Variants in MSI2 observed in about 807,000 individuals in gnomAD.
MSI2 encodes the protein RNA-binding protein Musashi homolog 2.
In MSI2, 17 loss-of-function variants were observed where a neutral mutation model predicts 45.6. The observed-to-expected ratio is 0.37, with a 90% confidence interval of 0.26 to 0.56. The LOEUF is 0.56. MSI2 is among the 20% of genes least tolerant of loss of function. The pLI, the probability that MSI2 is intolerant of heterozygous loss-of-function variation, is 0.77. For missense variants in MSI2, 293 were observed against 444.2 expected, an observed-to-expected ratio of 0.66 and a Z score of 3.06; for synonymous variants, 156 against 158.2, an observed-to-expected ratio of 0.99 and a Z score of 0.11.
rs75404750 is a variant in MSI2, at chr17:57,663,841, G to A, written c.791-11131G>A. Among the ~76,000 whole-genome samples the A allele has an allele frequency of 1.6e-3, 239 of 152,294 alleles. 2 individuals are homozygous for A. The highest frequency in any genetic ancestry group is 3.0e-3 in the Non-Finnish European group (207 of 68,026). The stretch of plus-strand genomic sequence containing the variant: ...AAAGGGCACATTCCGTTCAGGCTTG[G>A]AAATGATCTGCTGGAGGTTTACACT... On this transcript the variant is annotated intron_variant, in intron 11 of 13. Transcript: ENST00000284073.
At chr17:57,368,257 G>A (rs1431511660) in intron 5 of MSI2, among the ~76,000 whole-genome samples, 1 of 152,146 alleles carries the variant, frequency 6.6e-6, no homozygotes, top group Admixed American at 6.5e-5. Flanking sequence ...GTTTAAAAAT[G>A]TCTCAATTTT....
intron 5 of MSI2, among the ~76,000 whole-genome samples, chr17:57,290,969 C>T (rs1910362952): frequency 6.6e-6 from 1 of 152,228 alleles, no homozygotes; most frequent in Non-Finnish European, 1.5e-5. Context: ...GGGTGTAAAC[C>T]TCTGCGAGAT....
intron 10 of MSI2, chr17:57,632,165 C>G: frequency 8.4e-7 from 1 of 1,185,036 alleles, no homozygotes; most frequent in Non-Finnish European, 1.0e-6. Context: ...AAGAAGACAT[C>G]AAATGTTTTT....
At chr17:57,391,596 T>C (rs2144085142) in intron 5 of MSI2, among the ~76,000 whole-genome samples, 1 of 152,188 alleles carries the variant, frequency 6.6e-6, no homozygotes, top group Non-Finnish European at 1.5e-5. Flanking sequence ...CCCCTCACCG[T>C]GAGTCATCTG....
At chr17:57,436,718 A>G (rs1347814855) in intron 6 of MSI2, among the ~76,000 whole-genome samples, 3 of 152,202 alleles carry the variant, frequency 2.0e-5, no homozygotes, top group Admixed American at 6.5e-5. Flanking sequence ...GGGCATTCCA[A>G]TGAAACCACT....
At chr17:57,388,448 C>T (rs947704360) in intron 5 of MSI2, among the ~76,000 whole-genome samples, 1 of 152,252 alleles carries the variant, frequency 6.6e-6, no homozygotes, top group Non-Finnish European at 1.5e-5. Flanking sequence ...CACTTGCTCT[C>T]TTGCTCCTGG....
chr17:57,258,433 T>C, intron 4 of MSI2, 79 bp downstream of exon 4: 1 of 1,138,438 alleles, frequency 8.8e-7, no homozygotes, highest in Non-Finnish European at 1.3e-6. Context: ...AAAGGGACAG[T>C]GCCTTCTTTT....
intron 5 of MSI2, among the ~76,000 whole-genome samples, chr17:57,398,908 C>A (rs1353987464): frequency 2.0e-5 from 3 of 147,498 alleles, no homozygotes; most frequent in Non-Finnish European, 3.0e-5. Context: ...ATCATTATAT[C>A]TTCATTTTAT....
chr17:57,655,055 T>G (rs1299617574), intron 11 of MSI2, among the ~76,000 whole-genome samples: 1 of 151,792 alleles, frequency 6.6e-6, no homozygotes, highest in Non-Finnish European at 1.5e-5. Context: ...GGCTATGGTG[T>G]CAGGGTAGGA....
At chr17:57,471,311 G>A (rs9911360) in intron 6 of MSI2, among the ~76,000 whole-genome samples, 2 of 119,652 alleles carry the variant, frequency 1.7e-5, no homozygotes, top group Non-Finnish European at 1.6e-5. Context: ...TTTTTTTTCA[G>A]ATGGAGTCTT....
intron 6 of MSI2, among the ~76,000 whole-genome samples, chr17:57,497,130 C>A (rs1228884427): frequency 6.6e-6 from 1 of 152,212 alleles, no homozygotes; most frequent in South Asian, 2.1e-4. Flanking sequence ...GTGCCTGCTA[C>A]CATGCCCAGC....
chr17:57,357,173 C>T (rs1916487411), intron 5 of MSI2, among the ~76,000 whole-genome samples: 1 of 152,102 alleles, frequency 6.6e-6, no homozygotes, highest in Non-Finnish European at 1.5e-5. Context: ...TTGTTCACTG[C>T]CACAAAGACC....
At chr17:57,277,528 G>A (rs1243457864) in intron 5 of MSI2, among the ~76,000 whole-genome samples, 4 of 152,174 alleles carry the variant, frequency 2.6e-5, no homozygotes, top group Admixed American at 6.5e-5. Context: ...TCCATGTTTC[G>A]ATTTCCCCAT....
At chr17:57,322,643 C>T (rs1018629454) in intron 5 of MSI2, among the ~76,000 whole-genome samples, 1 of 152,134 alleles carries the variant, frequency 6.6e-6, no homozygotes, top group African/African-American at 2.4e-5. Flanking sequence ...CATCCCTGGC[C>T]GTCAGATTTG....
chr17:57,572,437 G>A (rs1226798352), intron 7 of MSI2, among the ~76,000 whole-genome samples: 1 of 152,190 alleles, frequency 6.6e-6, no homozygotes, highest in African/African-American at 2.4e-5. Context: ...TGTGGGACAT[G>A]GTCTCAGAAC....
At chr17:57,649,379 TCAA>T (rs1910950489) in intron 10 of MSI2, among the ~76,000 whole-genome samples, 1 of 147,560 alleles carries the variant, frequency 6.8e-6, no homozygotes. Context: ...ACACATGTAC[TCAA>T]CACACACATC....
chr17:57,687,382 G>C (rs532295306), downstream of MSI2, among the ~76,000 whole-genome samples: 1 of 151,932 alleles, frequency 6.6e-6, no homozygotes, highest in African/African-American at 2.4e-5. Flanking sequence ...TTTATAAACA[G>C]TAATAAAATG....
chr17:57,551,751 G>A (rs1257851395), intron 7 of MSI2, among the ~76,000 whole-genome samples: 8 of 152,184 alleles, frequency 5.3e-5, no homozygotes, highest in Non-Finnish European at 1.2e-4. Context: ...CTTCTCACTG[G>A]GTTCTAAAGG....
chr17:57,268,779 G>A (rs1908077511), intron 5 of MSI2, among the ~76,000 whole-genome samples: 1 of 152,152 alleles, frequency 6.6e-6, no homozygotes, highest in Non-Finnish European at 1.5e-5. Flanking sequence ...AGGTTGCAGT[G>A]AGCCGAGATT....
Sources: allele counts gnomAD v4.1 joint callset (sites outside exome capture counted in the v4.1 genomes callset), GRCh38; gene constraint gnomAD v4.1.1; transcripts MANE v1.5; gene names NCBI Gene and HGNC (gene_info 2026-07-23, HGNC 2026-07-21).